ADD1: variants seen among roughly 807,000 people sequenced by gnomAD.
ADD1 encodes adducin 1.
A neutral mutation model predicts 80.5 loss-of-function variants in ADD1; 24 were observed. The ratio of observed to expected loss-of-function variants is 0.30; its 90% CI spans 0.22 to 0.42. The LOEUF is 0.42. Among genes scored for constraint, ADD1 ranks in the 10% least tolerant of loss-of-function variants. The pLI, the probability that ADD1 is intolerant of heterozygous loss-of-function variation, is 1.00. For missense variants in ADD1, 948 were observed against 1,019.0 expected (o/e 0.93, Z 0.95); for synonymous variants, 373 against 393.8 (o/e 0.95, Z 0.63).
chr4:2,910,413 G>T (rs2051560), intron 13 of ADD1, among the ~76,000 whole-genome samples: 28,177 of 152,042 alleles, frequency 0.19, 2,870 homozygotes, highest in East Asian at 0.48. Context: ...AATTCCACAG[G>T]TCCTGTTTTT....
At chr4:2,845,610 G>A (rs1726081451) in intron 1 of ADD1, among the ~76,000 whole-genome samples, 1 of 152,078 alleles carries the variant, frequency 6.6e-6, no homozygotes, top group Admixed American at 6.6e-5. Context: ...GCCAGTCCCC[G>A]AATTGTGAGA....
intron 1 of ADD1, among the ~76,000 whole-genome samples, chr4:2,867,337 C>T (rs1729699975): frequency 6.6e-6 from 1 of 152,102 alleles, no homozygotes; most frequent in African/African-American, 2.4e-5. Context: ...TGAGGTAACT[C>T]CATACGTGTT....
chr4:2,898,212 C>T lies in ADD1; in HGVS notation c.770C>T (p.Pro257Leu). The T allele has an allele frequency of 6.2e-7, 1 of 1,613,846 alleles. No homozygotes were observed. Among genetic ancestry groups the T allele is most frequent in the Non-Finnish European group, 8.5e-7 (1 of 1,179,846 alleles). ...TCTGCAATGAAATGTGGCCTCTTGC[C>T]AATCTCCCCGGAGGCGCTTTCCCTT... ...AVSAMKCGLL[P>L]ISPEALSLGE... The change falls in exon 7 of 16, where the codon CCA becomes CTA. Residue 257 changes from proline to leucine, a missense_variant. Pro to Leu is a moderately conservative substitution (Grantham distance 98). Coordinates refer to ENST00000683351, the MANE Select transcript of ADD1 (RefSeq NM_001354761.2).
chr4:2,905,334 C>T lies in ADD1; in HGVS notation c.1506+226C>T, dbSNP rs1736864157. ...ATGTAATGTAACTCCGCAGTAGTTC[C>T]AGTATATCTCCGTATATAGCAAAAA... On this transcript the variant is annotated intron_variant, in intron 10 of 15. Coordinates refer to ENST00000683351, the MANE Select transcript of ADD1 (RefSeq NM_001354761.2). 1.2e-5 allele frequency: 7 copies of T among 578,098 alleles called. No homozygotes were observed. The South Asian group carries it at 1.3e-4, about 11-fold the overall frequency. The allele number at this position is 578,098 out of a possible 1,614,324, so 35.8% of individuals were successfully genotyped here.
chr4:2,871,610 C>T (rs16843511), intron 1 of ADD1, among the ~76,000 whole-genome samples: 7,130 of 152,204 alleles, frequency 0.047, 300 homozygotes, highest in African/African-American at 0.12. Context: ...AGAAGAATCA[C>T]GGAGCGTTTC....
Position 2,843,855 on chromosome 4 carries a change from C to T in ADD1, c.-190C>T. ...CGTTGTTGGGCTGCAGCGCCGCAGG[C>T]CGCACCCAGGTCGGGCGGTGGGGGC... is the stretch of plus-strand genomic sequence containing the variant. On this transcript the variant is annotated 5_prime_UTR_variant, in exon 1 of 16. Coordinates refer to ENST00000683351, the MANE Select transcript of ADD1 (RefSeq NM_001354761.2). 6.6e-6 allele frequency: 1 copy of T among 152,558 alleles called. No individual in the cohort carries two copies. Among genetic ancestry groups the T allele is most frequent in the Non-Finnish European group, 1.5e-5 (1 of 68,300 alleles). 9.5% of individuals were successfully genotyped at this position (152,558 alleles called of 1,614,324 possible). A position where few individuals can be genotyped will look rare whatever the true frequency, so the allele number is the denominator to read the frequency against.
chr4:2,864,105 T>A lies in ADD1; in HGVS notation c.-20-11791T>A, dbSNP rs577477002. On this transcript the variant is annotated intron_variant, in intron 1 of 15. Coordinates refer to ENST00000683351, the MANE Select transcript of ADD1 (RefSeq NM_001354761.2). Reference sequence around the variant, plus strand: ...TGAGATCAGGATAAGGCTATCCTGCTAAAACACTTAAATAACAGAATTTAT... The same window carrying A: ...TGAGATCAGGATAAGGCTATCCTGCAAAAACACTTAAATAACAGAATTTAT... 7.9e-5 allele frequency among the ~76,000 whole-genome samples: 12 copies of A among 152,306 alleles called. No homozygotes were observed. The East Asian group carries it at 1.7e-3, about 22-fold the overall frequency.
chr4:2,865,278 C>A (rs368353937), intron 1 of ADD1, among the ~76,000 whole-genome samples: 3 of 152,108 alleles, frequency 2.0e-5, no homozygotes, highest in South Asian at 4.1e-4. Flanking sequence ...TTTCAAGTCT[C>A]CATCAGCTGA....
chr4:2,870,195 A>G (rs1730203544), intron 1 of ADD1, among the ~76,000 whole-genome samples: 1 of 152,224 alleles, frequency 6.6e-6, no homozygotes, highest in Non-Finnish European at 1.5e-5. Flanking sequence ...CCCTCATTAT[A>G]TATTTGAGAG....
chr4:2,905,795 G>A (rs904432121), intron 10 of ADD1: 2 of 152,906 alleles, frequency 1.3e-5, no homozygotes, highest in Non-Finnish European at 1.5e-5. Flanking sequence ...GGGGTGCTTC[G>A]TTTCAGCGTT....
Position 2,928,686 on chromosome 4 carries a change from G to C in ADD1, c.*163G>C, listed in dbSNP as rs1712423497. The C allele has an allele frequency of 4.3e-6, 3 of 703,768 alleles. No individual in the cohort carries two copies. In the South Asian group the frequency reaches 6.0e-5, roughly 14 times the overall value. 43.6% of individuals were successfully genotyped at this position (703,768 alleles called of 1,614,324 possible). ...CCCCGTGTAGCCCCGGGCTGACCCA[G>C]TGTGTGCTCAGCAGCCCCACCCCAC... On this transcript the variant is annotated 3_prime_UTR_variant, in exon 16 of 16. Transcript: ENST00000683351.
At position 2,881,979 on chromosome 4, in the gene ADD1, C is replaced by A; in HGVS notation, c.277C>A (p.Gln93Lys). 1 of 1,613,236 alleles carries A rather than the reference C, an allele frequency of 6.2e-7. No homozygotes were observed. Among genetic ancestry groups the A allele is most frequent in the Non-Finnish European group, 8.5e-7 (1 of 1,179,758 alleles). ...CCCCACAGGCCTATTGGCATTACAGCAGATTGCAGATTTTATGACCACGAA... is the reference window on the plus strand; with the variant it reads ...CCCCACAGGCCTATTGGCATTACAGAAGATTGCAGATTTTATGACCACGAA... ...KNPTGLLALQ[Q>K]IADFMTTNVP... The change falls in exon 3 of 16, where the codon CAG becomes AAG. Residue 93 changes from glutamine to lysine, a missense_variant. Transcript: ENST00000683351.
At chr4:2,902,887 G>A (rs961820736) in intron 9 of ADD1, 1 of 152,022 alleles carries the variant, frequency 6.6e-6, no homozygotes, top group East Asian at 1.9e-4. Context: ...TTAGCCGGGT[G>A]TGGTGGCACG....
chr4:2,897,520 G>C (rs1010882689), intron 6 of ADD1, among the ~76,000 whole-genome samples: 5 of 143,202 alleles, frequency 3.5e-5, no homozygotes, highest in South Asian at 4.5e-4. Flanking sequence ...AAAAACTTTA[G>C]AGCACTTGGA....
chr4:2,920,265 T>C (rs531595666), intron 14 of ADD1, among the ~76,000 whole-genome samples: 13 of 152,344 alleles, frequency 8.5e-5, no homozygotes, highest in African/African-American at 3.1e-4. Context: ...AGGTGGTCAA[T>C]TTTAGAATAA....
intron 14 of ADD1, among the ~76,000 whole-genome samples, chr4:2,923,400 C>T (rs962293773): frequency 7.2e-5 from 11 of 152,214 alleles, no homozygotes; most frequent in Admixed American, 2.6e-4. Flanking sequence ...GGGAGTTCCC[C>T]GACTCCTTGC....
intron 4 of ADD1, among the ~76,000 whole-genome samples, chr4:2,885,733 C>T (rs1733171546): frequency 6.6e-6 from 1 of 152,212 alleles, no homozygotes; most frequent in South Asian, 2.1e-4. Context: ...CCTCAGCCTC[C>T]CGAGTAGCTG....
At position 2,927,039 on chromosome 4, in the gene ADD1, G is replaced by A. The variant is rs552236009; in HGVS notation, c.2047+927G>A. Among the ~76,000 whole-genome samples, 166 of 152,370 alleles carry A rather than the reference G, an allele frequency of 1.1e-3. 1 individual carries two copies. Among genetic ancestry groups the A allele is most frequent in the African/African-American group, 3.7e-3 (155 of 41,584 alleles). On this transcript the variant is annotated intron_variant, in intron 15 of 15. Transcript: ENST00000683351. ...ACAGGGTGGGGTTCTGCCACCTGCC[G>A]TGTGGGGTCAGATTGCCTTGGACCT... is the stretch of plus-strand genomic sequence containing the variant.
At chr4:2,876,169 G>T in intron 2 of ADD1, 59 bp downstream of exon 2, 1 of 1,524,830 alleles carries the variant, frequency 6.6e-7, no homozygotes, top group Non-Finnish European at 8.9e-7. Flanking sequence ...AATACTTCAG[G>T]TCTTATGCCC....
Sources: gnomAD v4.1 joint callset for allele counts (sites outside exome capture counted in the v4.1 genomes callset) on GRCh38, gnomAD v4.1.1 for gene constraint, MANE v1.5 for transcripts, NCBI Gene and HGNC (gene_info 2026-07-23, HGNC 2026-07-21) for gene names.